ZSCAN32: variants seen among roughly 807,000 people sequenced by gnomAD.
The protein encoded by ZSCAN32 is zinc finger and SCAN domain-containing protein 32.
ZSCAN32 carries 52 observed loss-of-function variants against 47.4 expected under a neutral mutation model. That is an observed-to-expected ratio of 1.10 (90% confidence interval 0.88 to 1.38). The LOEUF is 1.38. Among genes scored for constraint, ZSCAN32 ranks in the 40% most tolerant of loss-of-function variants. ZSCAN32 has a pLI of 0.00. For missense variants in ZSCAN32, 959 were observed against 846.0 expected, an observed-to-expected ratio of 1.13 and a Z score of -1.66; for synonymous variants, 346 against 305.7, an observed-to-expected ratio of 1.13 and a Z score of -1.38.
In ZSCAN32 at chr16:3,384,872, T is replaced by G. The variant is rs200697723; in HGVS notation, c.821A>C (p.Tyr274Ser). The change falls in exon 6 of 7, where the codon TAT (tyrosine) becomes TCT (serine). Residue 274 changes from tyrosine (Y) to serine (S), a missense_variant. Tyr to Ser is a moderately radical substitution (Grantham distance 144, BLOSUM62 -2). Coordinates refer to ENST00000396852, the MANE Select transcript of ZSCAN32 (RefSeq NM_001284527.2). ...LLAILSSSQFYGKLQTCQQNS... is the reference protein window; with the variant it reads ...LLAILSSSQFSGKLQTCQQNS... ...CTGCTGACAGGTCTGGAGTTTTCCA[T>G]AAAATTGAGAACTACTAAGAATAGC... 1.2e-6 allele frequency: 2 copies of G among 1,614,144 alleles called. No homozygotes were observed. Among genetic ancestry groups the G allele is most frequent in the Non-Finnish European group, 1.7e-6 (2 of 1,180,020 alleles).
Position 3,390,096 on chromosome 16 carries a change from CA to C in ZSCAN32, c.664del (p.Cys222ValfsTer94), listed in dbSNP as rs1382776758. On this transcript the variant is annotated frameshift_variant, in exon 5 of 7. Coordinates refer to ENST00000396852, the MANE Select transcript of ZSCAN32 (RefSeq NM_001284527.2). LOFTEE classifies it high-confidence loss of function. Reference protein sequence around the residue: ...AMRDNRAVSLCQQEWMCPGPA... With the variant: ...AMRDNRAVSLXQQEWMCPGPA... The stretch of plus-strand genomic sequence containing the variant: ...GCCTGGGCACATCCATTCTTGCTGA[CA>C]GAGGGATACAGCTCTGTTGTCACGC... 6.2e-7 allele frequency: 1 copy of C among 1,613,698 alleles called. No homozygotes were observed. The highest frequency in any genetic ancestry group is 1.3e-5 in the African/African-American group (1 of 74,916).
Position 3,397,534 on chromosome 16 carries a change from G to T in ZSCAN32, c.24C>A (p.Thr8=). Residue 8 remains threonine (T), a synonymous_variant, in exon 2 of 7, where the codon ACC becomes ACA. Transcript: ENST00000396852. The stretch of plus-strand genomic sequence containing the variant: ...CCTTGTTTGAGGATGGGTGTGCCTC[G>T]GTACTCTTCACTGCAGCCATCATTT... MMAAVKS[T]EAHPSSNKDP... The T allele has an allele frequency of 6.5e-7, 1 of 1,545,752 alleles. No homozygotes were observed. The highest frequency in any genetic ancestry group is 8.7e-7 in the Non-Finnish European group (1 of 1,143,704).
intron 5 of ZSCAN32, among the ~76,000 whole-genome samples, chr16:3,385,347 T>A (rs545773236): frequency 1.3e-5 from 2 of 152,074 alleles, no homozygotes; most frequent in Admixed American, 1.3e-4. Context: ...AAAATCAATA[T>A]CGTGAAAATG....
rs769359748 is a variant in ZSCAN32, at chr16:3,393,753, G to T, written c.428C>A (p.Thr143Asn). Reference protein sequence around the residue: ...LMKEMAPLGATRESLRSQWKQ... With the variant: ...LMKEMAPLGANRESLRSQWKQ... ...CCATTGGGATCTCAGTGATTCTCTGGTTGCTCCCAAAGGGGCCATCTCCTT... is the reference window on the plus strand; with the variant it reads ...CCATTGGGATCTCAGTGATTCTCTGTTTGCTCCCAAAGGGGCCATCTCCTT... Residue 143 changes from threonine (T) to asparagine (N), a missense_variant, in exon 3 of 7, where the codon ACC becomes AAC. Thr to Asn is a moderately conservative substitution (Grantham distance 65, BLOSUM62 0). Coordinates refer to ENST00000396852, the MANE Select transcript of ZSCAN32 (RefSeq NM_001284527.2). The T allele has an allele frequency of 3.2e-6, 5 of 1,550,164 alleles. No individual in the cohort carries two copies. The highest frequency in any genetic ancestry group is 1.4e-5 in the African/African-American group (1 of 72,958).
In ZSCAN32 at chr16:3,397,327, C is replaced by CA. The variant is rs2033468277; in HGVS notation, c.230dup (p.Glu78GlyfsTer36). On this transcript the variant is annotated frameshift_variant, in exon 2 of 7. Coordinates refer to ENST00000396852, the MANE Select transcript of ZSCAN32 (RefSeq NM_001284527.2). LOFTEE classifies it high-confidence loss of function. ...GAAACTGCTCCAAAACCAGCAGCTCCAGGATTTCCTCTTTTGAGTGGGTCT... is the reference window on the plus strand; with the variant it reads ...GAAACTGCTCCAAAACCAGCAGCTCCAAGGATTTCCTCTTTTGAGTGGGTCT... 1 of 1,567,536 alleles carries CA rather than the reference C, an allele frequency of 6.4e-7. No homozygotes were observed. Among genetic ancestry groups the CA allele is most frequent in the African/African-American group, 1.4e-5 (1 of 73,606 alleles).
chr16:3,391,388 C>T (rs967011827), intron 3 of ZSCAN32, among the ~76,000 whole-genome samples: 6 of 152,084 alleles, frequency 3.9e-5, no homozygotes, highest in Non-Finnish European at 7.4e-5. Context: ...TAAAAAAAAA[C>T]TAAAATCAGC....
At position 3,397,290 on chromosome 16, in the gene ZSCAN32, G is replaced by A. The variant is rs1413362334; in HGVS notation, c.268C>T (p.Pro90Ser). 1 of 1,572,156 alleles carries A rather than the reference G, an allele frequency of 6.4e-7. No individual in the cohort carries two copies. Among genetic ancestry groups the A allele is most frequent in the East Asian group, 2.3e-5 (1 of 42,892 alleles). Residue 90 changes from proline (P) to serine (S), a missense_variant, in exon 2 of 7, where the codon CCA becomes TCA. Transcript: ENST00000396852. Reference protein sequence around the residue: ...LVLEQFLTILPEEIQTWVREQ... With the variant: ...LVLEQFLTILSEEIQTWVREQ... ...CTCACCCAGGTCTGGATCTCCTCTGGCAAGATAGTCAGAAACTGCTCCAAA... is the reference window on the plus strand; with the variant it reads ...CTCACCCAGGTCTGGATCTCCTCTGACAAGATAGTCAGAAACTGCTCCAAA...
intron 5 of ZSCAN32, among the ~76,000 whole-genome samples, chr16:3,385,894 C>G (rs1210363716): frequency 1.3e-5 from 2 of 152,208 alleles, no homozygotes; most frequent in Non-Finnish European, 2.9e-5. Flanking sequence ...GCAAGGACTT[C>G]ATGTCTAAAA....
intron 5 of ZSCAN32, among the ~76,000 whole-genome samples, chr16:3,386,077 T>G (rs1476218921): frequency 6.6e-6 from 1 of 152,056 alleles, no homozygotes; most frequent in Non-Finnish European, 1.5e-5. Flanking sequence ...GAATCTACAA[T>G]GAACTCTAAC....
chr16:3,389,811 T>A (rs1385267856), intron 5 of ZSCAN32, among the ~76,000 whole-genome samples, 199 bp downstream of exon 5: 1 of 152,202 alleles, frequency 6.6e-6, no homozygotes, highest in African/African-American at 2.4e-5. Flanking sequence ...TGTTCTTGAC[T>A]GCCGGTCACA....
rs1486252255 is a variant in ZSCAN32, at chr16:3,384,693, C to CCTCATAAAAGATACAAGG, written c.982_999dup (p.Pro328_Glu333dup). 4 of 1,614,086 alleles carry CCTCATAAAAGATACAAGG rather than the reference C, an allele frequency of 2.5e-6. No homozygotes were observed. The Admixed American group carries it at 6.7e-5, about 27-fold the overall frequency. On this transcript the variant is annotated inframe_insertion, in exon 6 of 7. Coordinates refer to ENST00000396852, the MANE Select transcript of ZSCAN32 (RefSeq NM_001284527.2). ...CAGGAGCCTGAAAGAGCATTCATTTCCTCATAAAAGATACAAGGCTCAGGC... is the reference window on the plus strand; with the variant it reads ...CAGGAGCCTGAAAGAGCATTCATTTCCTCATAAAAGATACAAGGCTCATAAAAGATACAAGGCTCAGGC...
At chr16:3,395,506 C>T (rs546432107) in intron 2 of ZSCAN32, among the ~76,000 whole-genome samples, 2 of 152,286 alleles carry the variant, frequency 1.3e-5, no homozygotes, top group East Asian at 1.9e-4. Context: ...TGAAGGAGGA[C>T]ATGTTTGCTT....
At chr16:3,387,773 CACTG>C (rs1181606824) in intron 5 of ZSCAN32, among the ~76,000 whole-genome samples, 4 of 152,242 alleles carry the variant, frequency 2.6e-5, no homozygotes, top group African/African-American at 9.6e-5. Flanking sequence ...ATTTAACTAA[CACTG>C]AGTGCCTACA....
chr16:3,389,877 CCCATT>C, intron 5 of ZSCAN32, 128 bp downstream of exon 5: 1 of 904,222 alleles, frequency 1.1e-6, no homozygotes, highest in Non-Finnish European at 1.6e-6. Context: ...GCTCTGGTTC[CCCATT>C]TACTTCCTCC....
chr16:3,389,377 G>A (rs1424155777), intron 5 of ZSCAN32, among the ~76,000 whole-genome samples: 1 of 152,216 alleles, frequency 6.6e-6, no homozygotes, highest in Non-Finnish European at 1.5e-5. Flanking sequence ...ATGTGAAGCA[G>A]CAGAGGAGAA....
Position 3,397,536 on chromosome 16 carries a change from T to C in ZSCAN32, c.22A>G (p.Thr8Ala), listed in dbSNP as rs576123377. The C allele has an allele frequency of 3.9e-5, 61 of 1,545,550 alleles. No individual in the cohort carries two copies. In the African/African-American group the frequency reaches 7.4e-4, roughly 19 times the overall value. ...TTGTTTGAGGATGGGTGTGCCTCGG[T>C]ACTCTTCACTGCAGCCATCATTTGC... MMAAVKS[T>A]EAHPSSNKDP... The change falls in exon 2 of 7, where the codon ACC becomes GCC. Residue 8 changes from threonine to alanine, a missense_variant. Transcript: ENST00000396852.
chr16:3,388,894 G>A (rs1232241247), intron 5 of ZSCAN32, among the ~76,000 whole-genome samples: 1 of 152,194 alleles, frequency 6.6e-6, no homozygotes, highest in African/African-American at 2.4e-5. Flanking sequence ...TTACTTTGGA[G>A]AGATGGAAAG....
At chr16:3,390,648 G>T in intron 3 of ZSCAN32, 131 bp from the exon 4 acceptor site, 1 of 700,746 alleles carries the variant, frequency 1.4e-6, no homozygotes, top group Non-Finnish European at 2.3e-6. Flanking sequence ...CAAATTCTGG[G>T]GCCCCACCTC....
chr16:3,390,529 A>T lies in ZSCAN32; in HGVS notation c.533-12T>A, dbSNP rs544762984. 6.5e-7 allele frequency: 1 copy of T among 1,547,342 alleles called. No individual in the cohort carries two copies. Among genetic ancestry groups the T allele is most frequent in the East Asian group, 2.4e-5 (1 of 40,894 alleles). On this transcript the variant is annotated splice_polypyrimidine_tract_variant and intron_variant, in intron 3 of 6. Transcript: ENST00000396852. ...AGGAGCAAGCCAGGCTGGGGGAAAA[A>T]ACAGCCGCTATTAGAGGGCGGCTTC...
Sources: allele counts gnomAD v4.1 joint callset (sites outside exome capture counted in the v4.1 genomes callset), GRCh38; gene constraint gnomAD v4.1.1; transcripts MANE v1.5; gene names NCBI Gene and HGNC (gene_info 2026-07-23, HGNC 2026-07-21).